KCNQ1OT1: variants seen among roughly 807,000 people sequenced by gnomAD.
KCNQ1OT1 encodes KCNQ1 opposite strand/antisense transcript 1, also known as KCNQ1 antisense RNA 2 (non-protein coding).
exon 1 of KCNQ1OT1, chr11:2,680,594 G>A (rs546676046): frequency 3.5e-5 from 14 of 398,300 alleles, no homozygotes; most frequent in Admixed American, 1.3e-4. Context: ...AGTCTCCCCC[G>A]ATAGTAACAT....
exon 1 of KCNQ1OT1, chr11:2,650,373 T>A (rs961484937): frequency 2.5e-6 from 1 of 398,528 alleles, no homozygotes; most frequent in Non-Finnish European, 4.4e-6. Flanking sequence ...ATATCTGGAA[T>A]AACAGAGACT....
Position 2,624,977 on chromosome 11 carries a change from C to T in KCNQ1OT1, n.75018G>A. The T allele has an allele frequency of 2.5e-6, 1 of 398,494 alleles. No homozygotes were observed. Among genetic ancestry groups the T allele is most frequent in the Non-Finnish European group, 4.4e-6 (1 of 226,052 alleles). The allele number at this position is 398,494 out of a possible 1,614,324, so 24.7% of individuals were successfully genotyped here. A position where few individuals can be genotyped will look rare whatever the true frequency, so the allele number is the denominator to read the frequency against. On this transcript the variant is annotated non_coding_transcript_exon_variant, in exon 1 of 1. Coordinates refer to ENST00000597346, the Ensembl canonical transcript of KCNQ1OT1. This position sits in a 1 kb window ranked among gnomAD's most constrained non-coding sequence, Gnocchi z 4.9. ...TATGTATATACCACATTTTGCTTAT[C>T]CATTCTTCCATGGACATTTGGGTTG... is the stretch of plus-strand genomic sequence containing the variant.
At chr11:2,681,183 A>G in exon 1 of KCNQ1OT1, 1 of 398,608 alleles carries the variant, frequency 2.5e-6, no homozygotes, top group Non-Finnish European at 4.4e-6. Context: ...GGGTTTGGAA[A>G]AAGTCATTTT....
rs952213422 is a variant in KCNQ1OT1 at position 2,612,182 on chromosome 11, G to T, written n.87813C>A. On this transcript the variant is annotated non_coding_transcript_exon_variant, in exon 1 of 1. Transcript: ENST00000597346. The surrounding 1 kb of genome is among the most constrained non-coding windows in gnomAD (Gnocchi z 5.5). ...CTACACAGCAGGAGGTGAGCAGCAGGCAAGCAAGCATTACTGCCTGAGCTC... is the reference window on the plus strand; with the variant it reads ...CTACACAGCAGGAGGTGAGCAGCAGTCAAGCAAGCATTACTGCCTGAGCTC... 8 of 398,536 alleles carry T rather than the reference G, an allele frequency of 2.0e-5. No individual in the cohort carries two copies. The highest frequency in any genetic ancestry group is 8.8e-5 in the Admixed American group (2 of 22,720). The allele number at this position is 398,536 out of a possible 1,614,324, so 24.7% of individuals were successfully genotyped here. A position where few individuals can be genotyped will look rare whatever the true frequency, so the allele number is the denominator to read the frequency against.
At chr11:2,689,560 T>C (rs1850555212) in exon 1 of KCNQ1OT1, 1 of 398,512 alleles carries the variant, frequency 2.5e-6, no homozygotes, top group African/African-American at 2.1e-5. Context: ...ACAGAATGAA[T>C]GATGTGGAAA....
Position 2,657,210 on chromosome 11 carries a change from A to G in KCNQ1OT1, n.42785T>C. On this transcript the variant is annotated non_coding_transcript_exon_variant, in exon 1 of 1. Transcript: ENST00000597346. The surrounding 1 kb of genome is among the most constrained non-coding windows in gnomAD (Gnocchi z 4.8). ...ATATTGCCAATTCTTGGCTTTTTGCACTTCCAAGTCGCAGTTAGAATCAGC... is the reference window on the plus strand; with the variant it reads ...ATATTGCCAATTCTTGGCTTTTTGCGCTTCCAAGTCGCAGTTAGAATCAGC... 1.3e-5 allele frequency: 5 copies of G among 398,622 alleles called. No individual in the cohort carries two copies. Among genetic ancestry groups the G allele is most frequent in the Non-Finnish European group, 1.8e-5 (4 of 226,064 alleles). The allele number at this position is 398,622 out of a possible 1,614,324, so 24.7% of individuals were successfully genotyped here.
exon 1 of KCNQ1OT1, chr11:2,689,788 G>C: frequency 2.5e-6 from 1 of 398,634 alleles, no homozygotes; most frequent in Middle Eastern, 6.3e-4. Context: ...TAGGAGGGGA[G>C]GGGAAGCACT....
chr11:2,679,082 G>A lies in KCNQ1OT1; in HGVS notation n.20913C>T, dbSNP rs1186253064. The A allele has an allele frequency of 2.5e-6, 1 of 398,482 alleles. No homozygotes were observed. Among genetic ancestry groups the A allele is most frequent in the South Asian group, 1.3e-4 (1 of 7,866 alleles). The allele number at this position is 398,482 out of a possible 1,614,324, so 24.7% of individuals were successfully genotyped here. A position where few individuals can be genotyped will look rare whatever the true frequency, so the allele number is the denominator to read the frequency against. ...CAAAAAAACCCACTAACACCATAAA[G>A]TGTCATAGCTAGAGCTAGAGTGCTG... On this transcript the variant is annotated non_coding_transcript_exon_variant, in exon 1 of 1. Coordinates refer to ENST00000597346, the Ensembl canonical transcript of KCNQ1OT1. This position sits in a 1 kb window ranked among gnomAD's most constrained non-coding sequence, Gnocchi z 4.8.
In KCNQ1OT1 at chr11:2,679,957, A is replaced by G. The variant is rs193066736; in HGVS notation, n.20038T>C. The stretch of plus-strand genomic sequence containing the variant: ...CACCTAGGCGGGAATGCAGTGGCAC[A>G]GTCTCGGCTTACTGCAACCTCTACC... On this transcript the variant is annotated non_coding_transcript_exon_variant, in exon 1 of 1. Coordinates refer to ENST00000597346, the Ensembl canonical transcript of KCNQ1OT1. This position sits in a 1 kb window ranked among gnomAD's most constrained non-coding sequence, Gnocchi z 4.8. 9 of 397,166 alleles carry G rather than the reference A, an allele frequency of 2.3e-5. No individual in the cohort carries two copies. The highest frequency in any genetic ancestry group is 3.5e-5 in the Non-Finnish European group (8 of 225,890). The allele number at this position is 397,166 out of a possible 1,614,324, so 24.6% of individuals were successfully genotyped here.
rs1258445422 is a variant in KCNQ1OT1, at chr11:2,626,619, C to G, written n.73376G>C. On this transcript the variant is annotated non_coding_transcript_exon_variant, in exon 1 of 1. Transcript: ENST00000597346. This position sits in a 1 kb window ranked among gnomAD's most constrained non-coding sequence, Gnocchi z 4.0. ...TCACTGCTTACTGCCACCTCAATCT[C>G]CCAGGCTCAAGCAATCCTCCCACCT... The G allele has an allele frequency of 7.5e-6, 3 of 398,640 alleles. No homozygotes were observed. The South Asian group carries it at 3.8e-4, about 51-fold the overall frequency. The allele number at this position is 398,640 out of a possible 1,614,324, so 24.7% of individuals were successfully genotyped here.
rs1850508070 is a variant in KCNQ1OT1 at position 2,687,359 on chromosome 11, C to T, written n.12636G>A. 1 of 398,576 alleles carries T rather than the reference C, an allele frequency of 2.5e-6. No individual in the cohort carries two copies. Among genetic ancestry groups the T allele is most frequent in the African/African-American group, 2.1e-5 (1 of 48,640 alleles). The allele number at this position is 398,576 out of a possible 1,614,324, so 24.7% of individuals were successfully genotyped here. ...CAGAGGCTGAGGTAGCCAGGTCTGC[C>T]TTGGGCTGTCACTCAGGGCTGAGCT... On this transcript the variant is annotated non_coding_transcript_exon_variant, in exon 1 of 1. Coordinates refer to ENST00000597346, the Ensembl canonical transcript of KCNQ1OT1. This position sits in a 1 kb window ranked among gnomAD's most constrained non-coding sequence, Gnocchi z 5.0.
At chr11:2,616,043 G>A in exon 1 of KCNQ1OT1, 1 of 397,950 alleles carries the variant, frequency 2.5e-6, no homozygotes, top group Non-Finnish European at 4.4e-6. Flanking sequence ...TACTTGTTAT[G>A]GGTCTGCTCA....
Position 2,647,097 on chromosome 11 carries a change from A to C in KCNQ1OT1, n.52898T>G. ...GAGAGAAGGTGTTTAGCTTTTCCCC[A>C]GGTGGCTGTGGGTTTGTCATATATG... On this transcript the variant is annotated non_coding_transcript_exon_variant, in exon 1 of 1. Coordinates refer to ENST00000597346, the Ensembl canonical transcript of KCNQ1OT1. The surrounding 1 kb of genome is among the most constrained non-coding windows in gnomAD (Gnocchi z 4.0). 2.5e-6 allele frequency: 1 copy of C among 398,512 alleles called. No individual in the cohort carries two copies. The highest frequency in any genetic ancestry group is 4.4e-6 in the Non-Finnish European group (1 of 226,038). The allele number at this position is 398,512 out of a possible 1,614,324, so 24.7% of individuals were successfully genotyped here. A position where few individuals can be genotyped will look rare whatever the true frequency, so the allele number is the denominator to read the frequency against.
exon 1 of KCNQ1OT1, chr11:2,616,722 G>T (rs1009203195): frequency 1.0e-5 from 4 of 397,950 alleles, no homozygotes; most frequent in African/African-American, 8.2e-5. Context: ...ACAGATTTCT[G>T]GCCTCACTAT....
rs58203092 is a variant in KCNQ1OT1, at chr11:2,620,948, G to GTT, written n.79045_79046dup. 79,320 of 380,398 alleles carry GTT rather than the reference G, an allele frequency of 0.21. 6,068 individuals are homozygous for GTT. Among genetic ancestry groups the GTT allele is most frequent in the African/African-American group, 0.36 (17,259 of 47,436 alleles). 23.6% of individuals were successfully genotyped at this position (380,398 alleles called of 1,614,324 possible). A position where few individuals can be genotyped will look rare whatever the true frequency, so the allele number is the denominator to read the frequency against. ...TTTTTTGTTGTTGTTGTTTTGTTTT[G>GTT]TTTTTTTTTGTCTGTTTTTTGCTTT... On this transcript the variant is annotated non_coding_transcript_exon_variant, in exon 1 of 1. Transcript: ENST00000597346. The surrounding 1 kb of genome is among the most constrained non-coding windows in gnomAD (Gnocchi z 4.5).
exon 1 of KCNQ1OT1, chr11:2,619,256 T>C (rs1219244892): frequency 1.3e-5 from 5 of 398,380 alleles, no homozygotes; most frequent in Non-Finnish European, 2.2e-5. Context: ...CTTGTACTGG[T>C]TCATAGTAGA....
At position 2,661,077 on chromosome 11, in the gene KCNQ1OT1, T is replaced by G. The variant is rs1849948056; in HGVS notation, n.38918A>C. 2.5e-6 allele frequency: 1 copy of G among 398,240 alleles called. No individual in the cohort carries two copies. Among genetic ancestry groups the G allele is most frequent in the Non-Finnish European group, 4.4e-6 (1 of 226,022 alleles). The allele number at this position is 398,240 out of a possible 1,614,324, so 24.7% of individuals were successfully genotyped here. ...TGACAGGAACAGAGTCACAGTGACATCCCATGTGCATAAAAGCAACTCCCA... is the reference window on the plus strand; with the variant it reads ...TGACAGGAACAGAGTCACAGTGACAGCCCATGTGCATAAAAGCAACTCCCA... On this transcript the variant is annotated non_coding_transcript_exon_variant, in exon 1 of 1. Coordinates refer to ENST00000597346, the Ensembl canonical transcript of KCNQ1OT1. The surrounding 1 kb of genome is among the most constrained non-coding windows in gnomAD (Gnocchi z 5.9).
chr11:2,626,132 A>T lies in KCNQ1OT1; in HGVS notation n.73863T>A. 5 of 398,522 alleles carry T rather than the reference A, an allele frequency of 1.3e-5. No homozygotes were observed. The highest frequency in any genetic ancestry group is 2.2e-5 in the Non-Finnish European group (5 of 226,056). 24.7% of individuals were successfully genotyped at this position (398,522 alleles called of 1,614,324 possible). A position where few individuals can be genotyped will look rare whatever the true frequency, so the allele number is the denominator to read the frequency against. ...CTGTGCCTTTGGTGTCGCATACAAG[A>T]AGCACTGCCAATGATGTAAAGTTTT... is the stretch of plus-strand genomic sequence containing the variant. On this transcript the variant is annotated non_coding_transcript_exon_variant, in exon 1 of 1. Coordinates refer to ENST00000597346, the Ensembl canonical transcript of KCNQ1OT1. This position sits in a 1 kb window ranked among gnomAD's most constrained non-coding sequence, Gnocchi z 4.0.
At chr11:2,646,557 A>C in exon 1 of KCNQ1OT1, 1 of 398,550 alleles carries the variant, frequency 2.5e-6, no homozygotes, top group South Asian at 1.3e-4. Context: ...ACAGGGTCTC[A>C]CTCTGTTGCC....
Sources: allele counts gnomAD v4.1 joint callset, GRCh38; gene constraint gnomAD v4.1.1; non-coding constraint Gnocchi (gnomAD v3.1); transcripts MANE v1.5; gene names NCBI Gene and HGNC (gene_info 2026-07-23, HGNC 2026-07-21).